The following GRK4 variants were observed in gnomAD, a reference collection of about 807,000 sequenced individuals.
GRK4 encodes G protein-coupled receptor kinase 2-like.
In GRK4, 73 loss-of-function variants were observed where a neutral mutation model predicts 77.9. The observed-to-expected ratio is 0.94, with a 90% confidence interval of 0.78 to 1.14. The LOEUF is 1.14. Among genes scored for constraint, GRK4 ranks in the 50% most tolerant of loss-of-function variants. The pLI is 0.00. For synonymous variants in GRK4, 257 were observed against 254.4 expected (o/e 1.01, Z -0.10); for missense variants, 729 against 700.2 (o/e 1.04, Z -0.46).
In GRK4 at chr4:2,963,971, G is replaced by A; in HGVS notation, c.-100G>A. ...GTCCGGAGCTCGAGGAGAGGGTGGT[G>A]CCCGGCGAGCTATGCACGGGGGCGG... On this transcript the variant is annotated 5_prime_UTR_variant, in exon 1 of 16. Transcript: ENST00000398052. 9.3e-7 allele frequency: 1 copy of A among 1,075,964 alleles called. No homozygotes were observed. Among genetic ancestry groups the A allele is most frequent in the Non-Finnish European group, 1.4e-6 (1 of 715,844 alleles). The allele number at this position is 1,075,964 out of a possible 1,614,324, so 66.7% of individuals were successfully genotyped here.
At chr4:2,973,834 G>A (rs1165811318) in intron 1 of GRK4, among the ~76,000 whole-genome samples, 2 of 152,120 alleles carry the variant, frequency 1.3e-5, no homozygotes, top group Admixed American at 6.5e-5. Flanking sequence ...TCTCTTCATG[G>A]CTTCCCAGAC....
intron 1 of GRK4, among the ~76,000 whole-genome samples, chr4:2,969,542 A>G (rs755252135): frequency 6.6e-6 from 1 of 151,692 alleles, no homozygotes; most frequent in Non-Finnish European, 1.5e-5. Flanking sequence ...ACGCCCGGCT[A>G]ATTTTGTATT....
At chr4:3,001,552 G>C (rs1729838608) in intron 4 of GRK4, among the ~76,000 whole-genome samples, 2 of 151,774 alleles carry the variant, frequency 1.3e-5, no homozygotes, top group African/African-American at 2.4e-5. Flanking sequence ...ATTTTTAGTA[G>C]AGACAGGTTT....
At chr4:3,022,277 G>C in intron 9 of GRK4, 137 bp from the exon 10 acceptor site, 1 of 705,154 alleles carries the variant, frequency 1.4e-6, no homozygotes, top group Non-Finnish European at 2.5e-6. Context: ...TGTCCTGCCT[G>C]TTTGCCGTGG....
chr4:2,998,128 G>A (rs1001372416), intron 4 of GRK4, among the ~76,000 whole-genome samples: 8 of 152,110 alleles, frequency 5.3e-5, no homozygotes, highest in South Asian at 2.1e-4. Flanking sequence ...AGGCCAAAGC[G>A]CGTGGATCAC....
At chr4:2,999,681 A>G (rs2109771197) in intron 4 of GRK4, among the ~76,000 whole-genome samples, 1 of 152,368 alleles carries the variant, frequency 6.6e-6, no homozygotes, top group South Asian at 2.1e-4. Context: ...TACAACTCTT[A>G]GAGGAAAGTG....
intron 4 of GRK4, among the ~76,000 whole-genome samples, chr4:2,999,093 C>G (rs6832689): frequency 0.017 from 2,524 of 152,272 alleles, 76 homozygotes; most frequent in African/African-American, 0.057. Flanking sequence ...TAGTGCTGCT[C>G]TAACAGAATA....
intron 8 of GRK4, among the ~76,000 whole-genome samples, chr4:3,018,357 G>A (rs954634404): frequency 6.6e-6 from 1 of 152,156 alleles, no homozygotes; most frequent in African/African-American, 2.4e-5. Flanking sequence ...CATTTACAAT[G>A]GCATCAAGAA....
At chr4:3,013,074 C>T (rs1025900203) in intron 7 of GRK4, among the ~76,000 whole-genome samples, 4 of 151,524 alleles carry the variant, frequency 2.6e-5, no homozygotes, top group African/African-American at 9.7e-5. Flanking sequence ...GACGGAGTCT[C>T]ACTCTGTCGC....
At chr4:3,021,179 C>T (rs1035430872) in intron 9 of GRK4, among the ~76,000 whole-genome samples, 1 of 152,164 alleles carries the variant, frequency 6.6e-6, no homozygotes, top group Non-Finnish European at 1.5e-5. Flanking sequence ...CACCCCCTGC[C>T]CTCATCATGC....
chr4:3,014,379 C>G (rs1328797914), intron 8 of GRK4, among the ~76,000 whole-genome samples: 1 of 151,320 alleles, frequency 6.6e-6, no homozygotes, highest in Non-Finnish European at 1.5e-5. Flanking sequence ...TCACTGCAGC[C>G]TCAACCTTCC....
chr4:2,987,801 C>T (rs544949389), intron 2 of GRK4, among the ~76,000 whole-genome samples: 6 of 152,052 alleles, frequency 3.9e-5, no homozygotes, highest in East Asian at 3.9e-4. Flanking sequence ...TTGGGCCAGG[C>T]GCCATGACTC....
At chr4:3,039,357 G>T (rs1423576383) in intron 15 of GRK4, among the ~76,000 whole-genome samples, 2 of 152,112 alleles carry the variant, frequency 1.3e-5, no homozygotes, top group African/African-American at 4.8e-5. Flanking sequence ...TTCCCAGGGG[G>T]TTGATTCAGA....
At chr4:3,007,182 A>G (rs1334464989) in intron 5 of GRK4, among the ~76,000 whole-genome samples, 1 of 152,220 alleles carries the variant, frequency 6.6e-6, no homozygotes, top group African/African-American at 2.4e-5. Flanking sequence ...AGCCTGGGCA[A>G]TAGAGTGAGG....
At chr4:3,000,569 CTTTTCT>C (rs762743586) in intron 4 of GRK4, among the ~76,000 whole-genome samples, 193 of 56,354 alleles carry the variant, frequency 3.4e-3, no homozygotes, top group Non-Finnish European at 5.4e-3. Context: ...CTTTTCTTTT[CTTTTCT>C]TTTTTTTTTT....
intron 13 of GRK4, 52 bp from the exon 14 acceptor site, chr4:3,037,322 G>A: frequency 6.6e-7 from 1 of 1,514,720 alleles, no homozygotes. Context: ...AACTGAGGGA[G>A]CTGAGAATTG....
At chr4:3,023,455 G>A (rs1488761250) in intron 10 of GRK4, among the ~76,000 whole-genome samples, 29 of 152,204 alleles carry the variant, frequency 1.9e-4, no homozygotes, top group Non-Finnish European at 1.0e-4. Context: ...GGCGTCTAAG[G>A]CGGAGATTGA....
At chr4:2,990,638 C>G (rs1172830742) in intron 3 of GRK4, among the ~76,000 whole-genome samples, 2 of 152,120 alleles carry the variant, frequency 1.3e-5, no homozygotes, top group African/African-American at 4.8e-5. Context: ...GGTGTAAGTT[C>G]TCATGTAGTG....
chr4:2,964,538 G>A (rs956961300), intron 1 of GRK4, among the ~76,000 whole-genome samples: 1 of 152,280 alleles, frequency 6.6e-6, no homozygotes. Flanking sequence ...TAGCAGCCTG[G>A]GAACTACTCT....
Sources: gnomAD v4.1 joint callset for allele counts (sites outside exome capture counted in the v4.1 genomes callset) on GRCh38, gnomAD v4.1.1 for gene constraint, MANE v1.5 for transcripts, NCBI Gene and HGNC (gene_info 2026-07-23, HGNC 2026-07-21) for gene names.